The following MINK1 variants were observed in gnomAD, a reference collection of about 807,000 sequenced individuals.
MINK1 encodes the protein misshapen like kinase 1.
MINK1 carries 46 observed loss-of-function variants against 178.4 expected under a neutral mutation model. The ratio of observed to expected loss-of-function variants is 0.26; its 90% confidence interval spans 0.20 to 0.33. MINK1 has a LOEUF of 0.33. Among genes scored for constraint, MINK1 ranks in the 10% least tolerant of loss-of-function variants. MINK1 has a pLI of 1.00. For missense variants in MINK1, 1,366 were observed against 1,814.9 expected, an observed-to-expected ratio of 0.75 and a Z score of 4.49; for synonymous variants, 797 against 709.7, an observed-to-expected ratio of 1.12 and a Z score of -1.96.
chr17:4,897,292 G>T lies in MINK1; in HGVS notation c.*5G>T, dbSNP rs777364049. On this transcript the variant is annotated 3_prime_UTR_variant, in exon 32 of 32. Coordinates refer to ENST00000355280, the MANE Select transcript of MINK1 (RefSeq NM_153827.5). ...AACTGCATCATGAACTGGTGACGGG[G>T]CCCTGGGCTGGGGCTGTCCCACACT... 1 of 1,613,234 alleles carries T rather than the reference G, an allele frequency of 6.2e-7. No homozygotes were observed. Among genetic ancestry groups the T allele is most frequent in the Non-Finnish European group, 8.5e-7 (1 of 1,179,476 alleles).
At chr17:4,872,066 C>T (rs140748867) in intron 1 of MINK1, among the ~76,000 whole-genome samples, 91 of 152,282 alleles carry the variant, frequency 6.0e-4, no homozygotes, top group African/African-American at 2.1e-3. Flanking sequence ...TACAGTGGCT[C>T]ACTCCTGTAA....
chr17:4,850,207 G>A, intron 1 of MINK1, among the ~76,000 whole-genome samples: 1 of 152,130 alleles, frequency 6.6e-6, no homozygotes, highest in East Asian at 1.9e-4. Flanking sequence ...CCTCTACATA[G>A]CTGACACTCA....
At chr17:4,858,669 G>T (rs576798194) in intron 1 of MINK1, among the ~76,000 whole-genome samples, 2 of 151,866 alleles carry the variant, frequency 1.3e-5, no homozygotes, top group Non-Finnish European at 2.9e-5. Flanking sequence ...TAGAGATGGG[G>T]TTTCACCATG....
chr17:4,886,022 G>A lies in MINK1; in HGVS notation c.694+57G>A. ...GAGGGAAAGGAAGGGCCCAGAGAGT[G>A]GCTGTAGGGAGGAGGTGGGTCCTGG... On this transcript the variant is annotated intron_variant, in intron 8 of 31. Coordinates refer to ENST00000355280, the MANE Select transcript of MINK1 (RefSeq NM_153827.5). The surrounding 1 kb of genome is among the most constrained non-coding windows in gnomAD (Gnocchi z 6.1). The A allele has an allele frequency of 6.2e-7, 1 of 1,610,404 alleles. No homozygotes were observed. Among genetic ancestry groups the A allele is most frequent in the East Asian group, 2.2e-5 (1 of 44,860 alleles).
At chr17:4,870,595 C>T (rs1295752767) in intron 1 of MINK1, among the ~76,000 whole-genome samples, 4 of 151,986 alleles carry the variant, frequency 2.6e-5, no homozygotes, top group South Asian at 2.1e-4. Context: ...GAGGCCAAGG[C>T]GGGCGGATCA....
At chr17:4,878,816 C>G (rs1007221684) in intron 2 of MINK1, among the ~76,000 whole-genome samples, 1 of 152,208 alleles carries the variant, frequency 6.6e-6, no homozygotes, top group Non-Finnish European at 1.5e-5. Flanking sequence ...GGCCTCTGCT[C>G]CCACAGCTGG....
intron 1 of MINK1, among the ~76,000 whole-genome samples, chr17:4,839,670 G>A (rs1013369346): frequency 9.2e-5 from 14 of 152,148 alleles, no homozygotes; most frequent in African/African-American, 3.4e-4. Flanking sequence ...GCTCTTCTAG[G>A]GGGTAATGGA....
chr17:4,880,438 A>G (rs1967590761), intron 2 of MINK1, among the ~76,000 whole-genome samples: 1 of 148,314 alleles, frequency 6.7e-6, no homozygotes, highest in African/African-American at 2.5e-5. Context: ...GGCGCCCACC[A>G]TGACACCCAG....
chr17:4,896,893 G>A lies in MINK1; in HGVS notation c.3915+80G>A, dbSNP rs930414444. 3 of 1,478,708 alleles carry A rather than the reference G, an allele frequency of 2.0e-6. No individual in the cohort carries two copies. In the African/African-American group the frequency reaches 4.3e-5, roughly 21 times the overall value. The allele number at this position is 1,478,708 out of a possible 1,614,324, so 91.6% of individuals were successfully genotyped here. On this transcript the variant is annotated intron_variant, in intron 31 of 31. Transcript: ENST00000355280. This position sits in a 1 kb window ranked among gnomAD's most constrained non-coding sequence, Gnocchi z 4.6. The stretch of plus-strand genomic sequence containing the variant: ...GCCCCTGGGCAGAGTTCTGGGGAGA[G>A]GATGGTGGTGGTGGCTTCCTGAAAG...
rs1438245846 is a variant in MINK1 at position 4,893,036 on chromosome 17, A to T, written c.2369A>T (p.Asp790Val). 1.9e-6 allele frequency: 3 copies of T among 1,576,180 alleles called. No individual in the cohort carries two copies. The East Asian group carries it at 7.1e-5, about 38-fold the overall frequency. The change falls in exon 20 of 32, where the codon GAC becomes GTC. Residue 790 changes from aspartate (D) to valine (V), a missense_variant. Asp to Val is a radical substitution (Grantham distance 152). Transcript: ENST00000355280. ...TCCCCTGGGAATAAAGCCAAGCCCG[A>T]CGACCACCGCTCACGGCCAGGCCGG... ...VLSPGNKAKP[D>V]DHRSRPGRPA...
At chr17:4,861,511 A>T (rs543837301) in intron 1 of MINK1, among the ~76,000 whole-genome samples, 107 of 151,944 alleles carry the variant, frequency 7.0e-4, no homozygotes, top group Admixed American at 2.3e-3. Context: ...TTATTTATTT[A>T]TTTTTTTGAG....
chr17:4,857,902 C>T (rs1913461048), intron 1 of MINK1, among the ~76,000 whole-genome samples: 1 of 152,086 alleles, frequency 6.6e-6, no homozygotes, highest in South Asian at 2.1e-4. Flanking sequence ...ATACTTGCCC[C>T]TACTTCCAAA....
At chr17:4,868,884 G>A in intron 1 of MINK1, 1 of 310,996 alleles carries the variant, frequency 3.2e-6, no homozygotes, top group Non-Finnish European at 6.6e-6. Context: ...TAAGTAGCTG[G>A]AAGCACAGGT....
rs919220632 is a variant in MINK1, at chr17:4,885,218, G to T, written c.508+216G>T. 2.0e-5 allele frequency among the ~76,000 whole-genome samples: 3 copies of T among 152,162 alleles called. No individual in the cohort carries two copies. The highest frequency in any genetic ancestry group is 6.5e-5 in the Admixed American group (1 of 15,278). On this transcript the variant is annotated intron_variant, in intron 6 of 31. Coordinates refer to ENST00000355280, the MANE Select transcript of MINK1 (RefSeq NM_153827.5). This position sits in a 1 kb window ranked among gnomAD's most constrained non-coding sequence, Gnocchi z 5.0. ...TCACCTGTTACGGGCCAGGTGCTCT[G>T]CAGGTTGCTCTGGGGAGATGGGATC... is the stretch of plus-strand genomic sequence containing the variant.
chr17:4,851,108 A>C, intron 1 of MINK1: 1 of 439,868 alleles, frequency 2.3e-6, no homozygotes, highest in Non-Finnish European at 4.6e-6. Flanking sequence ...GCCACACTTC[A>C]CCCTAAATCC....
At position 4,894,356 on chromosome 17, in the gene MINK1, C is replaced by A; in HGVS notation, c.2808+45C>A. 6.3e-7 allele frequency: 1 copy of A among 1,592,286 alleles called. No individual in the cohort carries two copies. The highest frequency in any genetic ancestry group is 8.5e-7 in the Non-Finnish European group (1 of 1,170,816). On this transcript the variant is annotated intron_variant, in intron 23 of 31. Coordinates refer to ENST00000355280, the MANE Select transcript of MINK1 (RefSeq NM_153827.5). This position sits in a 1 kb window ranked among gnomAD's most constrained non-coding sequence, Gnocchi z 4.1. ...GTCCGCCGGGAGAGAAGAGCCCTGG[C>A]GATGGGCAGGAGGTCCCGGTGCTGG...
In MINK1 at chr17:4,852,689, A is replaced by T. The variant is rs970388499; in HGVS notation, c.57+19049A>T. On this transcript the variant is annotated intron_variant, in intron 1 of 31. Coordinates refer to ENST00000355280, the MANE Select transcript of MINK1 (RefSeq NM_153827.5). ...TAGCTGGGATATTCAGCTGTACAGC[A>T]GTCATATGTGAGCCTGAGGAAGAAC... Among the ~76,000 whole-genome samples the T allele has an allele frequency of 2.2e-5, 3 of 134,462 alleles. No individual in the cohort carries two copies. The South Asian group carries it at 8.0e-4, about 36-fold the overall frequency. 88.2% of individuals were successfully genotyped at this position (134,462 alleles called of 152,430 possible).
At chr17:4,861,140 G>A (rs1042819526) in intron 1 of MINK1, among the ~76,000 whole-genome samples, 1 of 152,188 alleles carries the variant, frequency 6.6e-6, no homozygotes, top group Non-Finnish European at 1.5e-5. Context: ...GAACATACCT[G>A]GAGCTGTGAG....
At chr17:4,872,466 C>G (rs1377400014) in intron 1 of MINK1, among the ~76,000 whole-genome samples, 2 of 151,710 alleles carry the variant, frequency 1.3e-5, no homozygotes, top group Admixed American at 6.6e-5. Flanking sequence ...GGTGAAACCC[C>G]GTCTACATAA....
Sources: allele counts gnomAD v4.1 joint callset (sites outside exome capture counted in the v4.1 genomes callset), GRCh38; gene constraint gnomAD v4.1.1; non-coding constraint Gnocchi (gnomAD v3.1); transcripts MANE v1.5; gene names NCBI Gene and HGNC (gene_info 2026-07-23, HGNC 2026-07-21).